TET1: variants seen among roughly 807,000 people sequenced by gnomAD.
The protein encoded by TET1 is tet methylcytosine dioxygenase 1, also known as methylcytosine dioxygenase TET1.
In TET1, 13 loss-of-function variants were observed where a neutral mutation model predicts 148.7. That is an observed-to-expected ratio of 0.09 (90% CI 0.06 to 0.14). The LOEUF is 0.14. TET1 is among the 10% of genes least tolerant of loss of function. TET1 has a pLI of 1.00. For synonymous variants in TET1, 907 were observed against 937.2 expected (o/e 0.97, Z 0.59); for missense variants, 2,182 against 2,553.8 (o/e 0.85, Z 3.14).
At chr10:68,602,380 T>C (rs2054068506) in intron 3 of TET1, among the ~76,000 whole-genome samples, 1 of 152,210 alleles carries the variant, frequency 6.6e-6, no homozygotes, top group Non-Finnish European at 1.5e-5. Context: ...GTTGGCTATA[T>C]CCATCTCAGG....
rs765813789 is a variant in TET1 at position 68,573,704 on chromosome 10, G to C, written c.1366G>C (p.Val456Leu). 3.1e-6 allele frequency: 5 copies of C among 1,614,064 alleles called. No homozygotes were observed. The highest frequency in any genetic ancestry group is 4.2e-6 in the Non-Finnish European group (5 of 1,180,036). The change falls in exon 2 of 12, where the codon GTC (valine) becomes CTC (leucine). Residue 456 changes from valine to leucine, a missense_variant. Around this residue, in one of 11 missense-constraint regions of TET1, gnomAD observed 665 missense variants for 672.4 expected, o/e 0.99. Coordinates refer to ENST00000373644, the MANE Select transcript of TET1 (RefSeq NM_030625.3). ...PSKWPEPQST[V>L]SYGLAVQGAI... Reference sequence around the variant, plus strand: ...CAAATGGCCTGAGCCCCAAAGCACTGTCTCATATGGACTTGCAGTCCAGGG... The same window carrying C: ...CAAATGGCCTGAGCCCCAAAGCACTCTCTCATATGGACTTGCAGTCCAGGG...
chr10:68,648,225 C>T (rs990173456), intron 4 of TET1, among the ~76,000 whole-genome samples: 2 of 152,132 alleles, frequency 1.3e-5, no homozygotes, highest in Non-Finnish European at 2.9e-5. Flanking sequence ...GAAAATCTTG[C>T]TGGGTAAAGA....
intron 2 of TET1, among the ~76,000 whole-genome samples, chr10:68,586,968 G>A (rs2053869006): frequency 6.6e-6 from 1 of 152,148 alleles, no homozygotes; most frequent in Non-Finnish European, 1.5e-5. Flanking sequence ...GTTATGTAGA[G>A]GAAAGTAATT....
chr10:68,684,261 A>C (rs1299574785), intron 10 of TET1, among the ~76,000 whole-genome samples: 1 of 152,110 alleles, frequency 6.6e-6, no homozygotes, highest in Non-Finnish European at 1.5e-5. Context: ...TTTTAGGTTT[A>C]GCTACAGCCT....
At chr10:68,621,888 A>G (rs2132972662) in intron 3 of TET1, among the ~76,000 whole-genome samples, 1 of 152,290 alleles carries the variant, frequency 6.6e-6, no homozygotes, top group East Asian at 1.9e-4. Flanking sequence ...GAACAGGAGT[A>G]TGGGCTCTAA....
At chr10:68,565,511 C>T (rs1194066815) in intron 1 of TET1, among the ~76,000 whole-genome samples, 2 of 146,662 alleles carry the variant, frequency 1.4e-5, no homozygotes, top group African/African-American at 5.0e-5. Context: ...CACACAGACA[C>T]ACACACATTT....
At chr10:68,633,403 G>A (rs967281824) in intron 3 of TET1, among the ~76,000 whole-genome samples, 3 of 151,078 alleles carry the variant, frequency 2.0e-5, no homozygotes, top group Non-Finnish European at 2.9e-5. Flanking sequence ...TTTTTTGAGA[G>A]ACAGTCTTCC....
chr10:68,650,579 C>A (rs1303945152), intron 4 of TET1, among the ~76,000 whole-genome samples: 1 of 151,992 alleles, frequency 6.6e-6, no homozygotes, highest in African/African-American at 2.4e-5. Flanking sequence ...TGCAGTGAGC[C>A]AAGATCTCAT....
intron 5 of TET1, among the ~76,000 whole-genome samples, 197 bp from the exon 6 acceptor site, chr10:68,652,304 G>A (rs1415894445): frequency 2.0e-5 from 3 of 152,182 alleles, no homozygotes; most frequent in Non-Finnish European, 2.9e-5. Context: ...TTGAGGATAA[G>A]TGAGTAGGAC....
At chr10:68,566,265 AAGAG>A (rs2053606647) in intron 1 of TET1, among the ~76,000 whole-genome samples, 1 of 152,212 alleles carries the variant, frequency 6.6e-6, no homozygotes, top group Non-Finnish European at 1.5e-5. Flanking sequence ...ATCTTGATAC[AAGAG>A]AGAAAGCATG....
chr10:68,688,970 T>C (rs927261573), intron 11 of TET1, among the ~76,000 whole-genome samples: 1 of 152,254 alleles, frequency 6.6e-6, no homozygotes, highest in Non-Finnish European at 1.5e-5. Context: ...TGCAGGCATT[T>C]ATATAATGCT....
chr10:68,654,094 C>T (rs1439783108), intron 6 of TET1, among the ~76,000 whole-genome samples: 5 of 19,074 alleles, frequency 2.6e-4, no homozygotes, highest in South Asian at 1.2e-3. Flanking sequence ...GCAACAAGAG[C>T]AAAAATGTCT....
chr10:68,689,538 TA>T (rs944336858), intron 11 of TET1, among the ~76,000 whole-genome samples: 2 of 151,640 alleles, frequency 1.3e-5, no homozygotes, highest in African/African-American at 4.8e-5. Flanking sequence ...CCGTCTCTAC[TA>T]AAATACAAAA....
intron 3 of TET1, among the ~76,000 whole-genome samples, chr10:68,644,120 G>A (rs983401252): frequency 5.3e-5 from 8 of 151,992 alleles, no homozygotes; most frequent in Non-Finnish European, 1.2e-4. Context: ...GGCCATGCTG[G>A]TCTTGAACTC....
At position 68,691,458 on chromosome 10, in the gene TET1, T is replaced by C; in HGVS notation, c.6055T>C (p.Leu2019=). 1 of 1,614,194 alleles carries C rather than the reference T, an allele frequency of 6.2e-7. No individual in the cohort carries two copies. Among genetic ancestry groups the C allele is most frequent in the Admixed American group, 1.7e-5 (1 of 60,014 alleles). Residue 2019 remains leucine, a synonymous_variant, in exon 12 of 12, where the codon TTG becomes CTG. Transcript: ENST00000373644. This position sits in a 1 kb window ranked among gnomAD's most constrained non-coding sequence, Gnocchi z 4.4. ...CATCGCACCTGCTCACGGCTCGGTT[T>C]TGATTGAGTGTGCCCGGCGAGAGCT... ...VAIAPAHGSV[L]IECARRELHA... is the part of the protein sequence containing the mutation.
In TET1 at chr10:68,645,478, G is replaced by A. The variant is rs1431481634; in HGVS notation, c.2749G>A (p.Glu917Lys). The A allele has an allele frequency of 3.7e-6, 6 of 1,613,844 alleles. No homozygotes were observed. The highest frequency in any genetic ancestry group is 1.6e-4 in the Middle Eastern group (1 of 6,062). The change falls in exon 4 of 12, where the codon GAG becomes AAG. Residue 917 changes from glutamate to lysine, a missense_variant. Transcript: ENST00000373644. ...NSSPSKSEKD[E>K]ESEQRTASLL... ...CTCCCCATCAAAGTCAGAGAAGGAT[G>A]AGGAATCAGAGCAGAGAACAGCCAG...
At chr10:68,689,264 A>C (rs1454040571) in intron 11 of TET1, among the ~76,000 whole-genome samples, 1 of 152,218 alleles carries the variant, frequency 6.6e-6, no homozygotes, top group Non-Finnish European at 1.5e-5. Context: ...AGCATCTGAG[A>C]GGAGAACTGC....
intron 3 of TET1, among the ~76,000 whole-genome samples, chr10:68,626,488 A>G (rs142429816): frequency 2.1e-3 from 316 of 151,828 alleles, no homozygotes; most frequent in Non-Finnish European, 3.9e-3. Flanking sequence ...GGTGTGAGCA[A>G]CTGCACCTGG....
intron 3 of TET1, among the ~76,000 whole-genome samples, chr10:68,606,408 G>A (rs994691457): frequency 2.6e-5 from 4 of 152,086 alleles, no homozygotes; most frequent in African/African-American, 7.2e-5. Flanking sequence ...AGATAACATA[G>A]TTGCTAATGA....
Sources: gnomAD v4.1 joint callset for allele counts (sites outside exome capture counted in the v4.1 genomes callset) on GRCh38, gnomAD v4.1.1 for gene constraint, gnomAD v4.1.1 regional missense constraint, Gnocchi (gnomAD v3.1) non-coding constraint, MANE v1.5 for transcripts, NCBI Gene and HGNC (gene_info 2026-07-23, HGNC 2026-07-21) for gene names.